The following WDR26 variants were observed in gnomAD, a reference collection of about 807,000 sequenced individuals.
WDR26 encodes WD repeat-containing protein 26.
In WDR26, 5 loss-of-function variants were observed where a neutral mutation model predicts 84.1. The observed-to-expected ratio is 0.06, with a 90% CI of 0.03 to 0.13. The LOEUF (loss-of-function observed/expected upper bound fraction) is 0.13. Among genes scored for constraint, WDR26 ranks in the 10% least tolerant of loss-of-function variants. The pLI is 1.00. For synonymous variants in WDR26, 415 were observed against 389.6 expected (o/e 1.07, Z -0.77); for missense variants, 642 against 974.9 (o/e 0.66, Z 4.55).
At position 224,385,502 on chromosome 1, in the gene WDR26, A is replaced by G. The variant is rs1313306603; in HGVS notation, c.*4333T>C. The G allele has an allele frequency of 2.6e-5, 4 of 152,682 alleles. No individual in the cohort carries two copies. Among genetic ancestry groups the G allele is most frequent in the Non-Finnish European group, 5.9e-5 (4 of 68,044 alleles). The allele number at this position is 152,682 out of a possible 1,614,324, so 9.5% of individuals were successfully genotyped here. A position where few individuals can be genotyped will look rare whatever the true frequency, so the allele number is the denominator to read the frequency against. On this transcript the variant is annotated 3_prime_UTR_variant, in exon 14 of 14. Transcript: ENST00000414423. ...AAACCCACCAAAATTGAAGAACACA[A>G]TCTTTTGAAACATTTAATCAGTCCA...
At chr1:224,419,316 G>A in intron 5 of WDR26, 2 of 526,832 alleles carry the variant, frequency 3.8e-6, no homozygotes, top group Non-Finnish European at 6.8e-6. Flanking sequence ...AAGAAGGGCT[G>A]CTCTGGAACC....
At chr1:224,418,151 TA>T in intron 6 of WDR26, 108 bp downstream of exon 6, 1 of 872,278 alleles carries the variant, frequency 1.1e-6, no homozygotes, top group Non-Finnish European at 1.6e-6. Flanking sequence ...GAACAAATGC[TA>T]AATCAGACAT....
chr1:224,418,499 A>T, intron 5 of WDR26, 83 bp from the exon 6 acceptor site: 1 of 1,298,568 alleles, frequency 7.7e-7, no homozygotes, highest in Non-Finnish European at 1.0e-6. Flanking sequence ...CTTCTGCTGT[A>T]CTTGTTCCTA....
rs767120051 is a variant in WDR26, at chr1:224,394,028, A to T, written c.2075-15T>A. ...AACCTTGTGATCTGAACATATAGTA[A>T]TTCAGAAAAAAGTTTTACATTAATA... On this transcript the variant is annotated splice_polypyrimidine_tract_variant and intron_variant, in intron 12 of 13. Coordinates refer to ENST00000414423, the MANE Select transcript of WDR26 (RefSeq NM_001379403.1). 2 of 1,423,334 alleles carry T rather than the reference A, an allele frequency of 1.4e-6. No individual in the cohort carries two copies. Among genetic ancestry groups the T allele is most frequent in the Non-Finnish European group, 1.9e-6 (2 of 1,070,786 alleles). 88.2% of individuals were successfully genotyped at this position (1,423,334 alleles called of 1,614,324 possible).
chr1:224,425,868 T>TA (rs1054629011), intron 3 of WDR26, among the ~76,000 whole-genome samples: 2 of 144,326 alleles, frequency 1.4e-5, no homozygotes, highest in African/African-American at 5.0e-5. Context: ...GCTTTTCTTC[T>TA]TTTTTTTTTG....
At chr1:224,393,252 T>TA (rs2102886138) in intron 13 of WDR26, among the ~76,000 whole-genome samples, 1 of 152,294 alleles carries the variant, frequency 6.6e-6, no homozygotes, top group Non-Finnish European at 1.5e-5. Flanking sequence ...ATACTTCCCT[T>TA]ATAGGACTAT....
At chr1:224,409,736 G>C (rs1051052906) in intron 7 of WDR26, among the ~76,000 whole-genome samples, 3 of 151,800 alleles carry the variant, frequency 2.0e-5, no homozygotes, top group Non-Finnish European at 4.4e-5. Context: ...CGTGGTGCCT[G>C]CCTGTAGTCC....
intron 7 of WDR26, among the ~76,000 whole-genome samples, chr1:224,407,141 A>AT (rs1553355668): frequency 5.6e-5 from 2 of 35,596 alleles, no homozygotes; most frequent in African/African-American, 1.2e-4. Context: ...AAAAAAAAAA[A>AT]AAAAAAAAAA....
At chr1:224,394,769 AC>A (rs1184684164) in intron 12 of WDR26, among the ~76,000 whole-genome samples, 2 of 152,278 alleles carry the variant, frequency 1.3e-5, no homozygotes, top group African/African-American at 4.8e-5. Flanking sequence ...TGCTGGGATT[AC>A]AGGCATGAGC....
At chr1:224,427,486 G>T (rs1426467020) in intron 3 of WDR26, among the ~76,000 whole-genome samples, 1 of 152,102 alleles carries the variant, frequency 6.6e-6, no homozygotes, top group Non-Finnish European at 1.5e-5. Context: ...CAGGAGAGCA[G>T]AGAAAGGCTG....
chr1:224,424,059 C>A (rs531770935), intron 4 of WDR26, among the ~76,000 whole-genome samples: 19 of 144,506 alleles, frequency 1.3e-4, no homozygotes, highest in Admixed American at 9.0e-4. Flanking sequence ...CTTCACCCCC[C>A]AAAAAAGGAC....
chr1:224,407,076 T>C (rs184147475), intron 7 of WDR26, among the ~76,000 whole-genome samples: 326 of 132,680 alleles, frequency 2.5e-3, no homozygotes, highest in Middle Eastern at 8.3e-3. Context: ...GAGCCAAGAT[T>C]GCGCCACTGC....
At position 224,389,458 on chromosome 1, in the gene WDR26, G is replaced by C; in HGVS notation, c.*377C>G. 1 of 463,260 alleles carries C rather than the reference G, an allele frequency of 2.2e-6. No homozygotes were observed. The highest frequency in any genetic ancestry group is 3.7e-6 in the Non-Finnish European group (1 of 267,250). 28.7% of individuals were successfully genotyped at this position (463,260 alleles called of 1,614,324 possible). On this transcript the variant is annotated 3_prime_UTR_variant, in exon 14 of 14. Coordinates refer to ENST00000414423, the MANE Select transcript of WDR26 (RefSeq NM_001379403.1). ...CAAGCCTTCTAAACTGTTAAATAAA[G>C]TTTTCCAAACAAGCATTTAAACTTC... is the stretch of plus-strand genomic sequence containing the variant.
chr1:224,403,378 AC>A (rs1469316830), intron 8 of WDR26, among the ~76,000 whole-genome samples: 1 of 152,206 alleles, frequency 6.6e-6, no homozygotes, highest in Non-Finnish European at 1.5e-5. Context: ...GCATGTATGT[AC>A]AAACAAAATA....
chr1:224,407,107 G>A (rs1173877112), intron 7 of WDR26, among the ~76,000 whole-genome samples: 2 of 96,534 alleles, frequency 2.1e-5, no homozygotes, highest in Admixed American at 1.6e-4. Context: ...GGGCGACACA[G>A]CGAGACTCTG....
Position 224,434,394 on chromosome 1 carries a change from G to C in WDR26, c.12C>G (p.Leu4=), listed in dbSNP as rs1384341022. 9.0e-7 allele frequency: 1 copy of C among 1,109,852 alleles called. No individual in the cohort carries two copies. Among genetic ancestry groups the C allele is most frequent in the Non-Finnish European group, 1.1e-6 (1 of 911,078 alleles). The allele number at this position is 1,109,852 out of a possible 1,614,324, so 68.8% of individuals were successfully genotyped here. ...AAGCGGAGGCCAGAGTTTCCTCGCC[G>C]AGAGAGGCCGTGGTGGGAAGCCGGT... The change falls in exon 1 of 14, where the codon CTC becomes CTG. Residue 4 remains leucine (L), a synonymous_variant. Coordinates refer to ENST00000414423, the MANE Select transcript of WDR26 (RefSeq NM_001379403.1).
intron 7 of WDR26, among the ~76,000 whole-genome samples, chr1:224,410,812 C>T (rs1181055236): frequency 6.6e-6 from 1 of 151,434 alleles, no homozygotes; most frequent in African/African-American, 2.4e-5. Flanking sequence ...GATCCTCCCA[C>T]TTCATCCTCT....
intron 4 of WDR26, among the ~76,000 whole-genome samples, chr1:224,423,645 G>A (rs1251044434): frequency 6.6e-6 from 1 of 152,224 alleles, no homozygotes; most frequent in Non-Finnish European, 1.5e-5. Context: ...CTACTTAGGA[G>A]GGTGAGGCAG....
At chr1:224,410,684 A>ATCTT (rs1456113064) in intron 7 of WDR26, among the ~76,000 whole-genome samples, 16 of 145,470 alleles carry the variant, frequency 1.1e-4, no homozygotes, top group Non-Finnish European at 1.3e-4. Context: ...CATTGTATTA[A>ATCTT]TCTTTCTTTC....
Sources: gnomAD v4.1 joint callset for allele counts (sites outside exome capture counted in the v4.1 genomes callset) on GRCh38, gnomAD v4.1.1 for gene constraint, MANE v1.5 for transcripts, NCBI Gene and HGNC (gene_info 2026-07-23, HGNC 2026-07-21) for gene names.